DYNC2H1: variants seen among roughly 807,000 people sequenced by gnomAD.
DYNC2H1 encodes the protein cytoplasmic dynein 2 heavy chain 1.
A neutral mutation model predicts 570.0 loss-of-function variants in DYNC2H1; 410 were observed. The observed-to-expected ratio is 0.72, with a 90% confidence interval of 0.66 to 0.78. The LOEUF (loss-of-function observed/expected upper bound fraction) is 0.78, where lower values mean the gene tolerates loss of function less well. Among genes scored for constraint, DYNC2H1 ranks in the 30% least tolerant of loss-of-function variants. The probability of loss-of-function intolerance (pLI) is 0.00; values close to 1 mark genes in which losing one functional copy is unlikely to be tolerated. For synonymous variants in DYNC2H1, 1,688 were observed against 1,677.6 expected (o/e 1.01, Z -0.15); for missense variants, 4,865 against 5,046.4 (o/e 0.96, Z 1.09).
At chr11:103,413,960 A>C (rs1323336306) in intron 84 of DYNC2H1, among the ~76,000 whole-genome samples, 1 of 152,144 alleles carries the variant, frequency 6.6e-6, no homozygotes, top group Non-Finnish European at 1.5e-5. Context: ...TTTAGCAAAT[A>C]AAAACAGAAG....
At position 103,191,584 on chromosome 11, in the gene DYNC2H1, G is replaced by A; in HGVS notation, c.7505G>A (p.Trp2502Ter). The A allele has an allele frequency of 6.2e-7, 1 of 1,609,856 alleles. No individual in the cohort carries two copies. The highest frequency in any genetic ancestry group is 8.5e-7 in the Non-Finnish European group (1 of 1,178,012). Residue 2502 changes from tryptophan (W) to a stop codon, truncating the protein, a stop_gained, in exon 46 of 89, where the codon TGG becomes TAG. Coordinates refer to ENST00000375735, the MANE Select transcript of DYNC2H1 (RefSeq NM_001377.3). LOFTEE classifies it high-confidence loss of function. Reference sequence around the variant, plus strand: ...TTTACTCCTTGCATTCTTACCCAATGGGTTCTTGGCTTATTTAGATATGAT... The same window carrying A: ...TTTACTCCTTGCATTCTTACCCAATAGGTTCTTGGCTTATTTAGATATGAT... ...YFFTPCILTQ[W>*]VLGLFRYDLE...
chr11:103,140,179 C>T (rs1218796440), intron 17 of DYNC2H1, among the ~76,000 whole-genome samples: 1 of 152,120 alleles, frequency 6.6e-6, no homozygotes, highest in East Asian at 1.9e-4. Flanking sequence ...ATTTGCCAGT[C>T]TGTGTCTTTT....
intron 83 of DYNC2H1, among the ~76,000 whole-genome samples, chr11:103,383,840 C>T (rs1237378533): frequency 6.6e-6 from 1 of 152,080 alleles, no homozygotes; most frequent in African/African-American, 2.4e-5. Flanking sequence ...TAACTATAAC[C>T]CACAGCTTGA....
At chr11:103,342,554 G>T (rs1478599594) in intron 82 of DYNC2H1, among the ~76,000 whole-genome samples, 4 of 151,490 alleles carry the variant, frequency 2.6e-5, no homozygotes, top group African/African-American at 4.9e-5. Flanking sequence ...CCAGGCTGGA[G>T]TGCAGTGGCG....
In DYNC2H1 at chr11:103,305,584, T is replaced by A. The variant is rs1161108590; in HGVS notation, c.11382+864T>A. Among the ~76,000 whole-genome samples, 3 of 152,112 alleles carry A rather than the reference T, an allele frequency of 2.0e-5. No individual in the cohort carries two copies. The highest frequency in any genetic ancestry group is 7.2e-5 in the African/African-American group (3 of 41,428). ...TTAGTAATTAATTAATTAATTAATT[T>A]TTTCTGGCAGTGGTATATAGAATAG... On this transcript the variant is annotated intron_variant, in intron 77 of 88. Transcript: ENST00000375735. The surrounding 1 kb of genome is among the most constrained non-coding windows in gnomAD (Gnocchi z 4.3).
intron 87 of DYNC2H1, among the ~76,000 whole-genome samples, chr11:103,467,694 C>G (rs575122944): frequency 2.6e-5 from 4 of 152,198 alleles, no homozygotes; most frequent in African/African-American, 9.6e-5. Context: ...CCCGCCACCA[C>G]GCCCAGCTAA....
rs780391806 is a variant in DYNC2H1, at chr11:103,133,626, C to G, written c.2025C>G (p.Ile675Met). 1.2e-6 allele frequency: 2 copies of G among 1,612,638 alleles called. No homozygotes were observed. Among genetic ancestry groups the G allele is most frequent in the African/African-American group, 1.3e-5 (1 of 74,784 alleles). ...ATCCTAAAGAATTAGAAGGCTATATCCAAAAACTCCAAAATGCTGCTGAAC... is the reference window on the plus strand; with the variant it reads ...ATCCTAAAGAATTAGAAGGCTATATGCAAAAACTCCAAAATGCTGCTGAAC... ...WDNPKELEGY[I>M]QKLQNAAERL... The change falls in exon 14 of 89, where the codon ATC (isoleucine) becomes ATG (methionine). Residue 675 changes from isoleucine (I) to methionine (M), a missense_variant. Coordinates refer to ENST00000375735, the MANE Select transcript of DYNC2H1 (RefSeq NM_001377.3). The surrounding 1 kb of genome is among the most constrained non-coding windows in gnomAD (Gnocchi z 4.8).
intron 83 of DYNC2H1, among the ~76,000 whole-genome samples, chr11:103,387,500 GT>G (rs1427063838): frequency 6.6e-6 from 1 of 152,154 alleles, no homozygotes; most frequent in African/African-American, 2.4e-5. Context: ...AAGCTCTTTA[GT>G]TTAATTAGAT....
intron 60 of DYNC2H1, 95 bp downstream of exon 60, chr11:103,231,441 C>A (rs1265089813): frequency 2.7e-6 from 2 of 732,724 alleles, no homozygotes; most frequent in African/African-American, 1.8e-5. Context: ...AAGATTTAGA[C>A]TCTTATGTCA....
intron 78 of DYNC2H1, among the ~76,000 whole-genome samples, chr11:103,308,144 T>G (rs184835981): frequency 2.6e-5 from 4 of 152,340 alleles, no homozygotes; most frequent in Admixed American, 2.6e-4. Context: ...TTTTTTATCT[T>G]GCAAAATTGA....
intron 75 of DYNC2H1, among the ~76,000 whole-genome samples, chr11:103,302,466 A>G (rs1041827669): frequency 2.0e-5 from 3 of 152,084 alleles, no homozygotes; most frequent in Non-Finnish European, 4.4e-5. Flanking sequence ...CATTTTAATG[A>G]TTTGCATAGA....
intron 84 of DYNC2H1, among the ~76,000 whole-genome samples, chr11:103,410,521 A>G (rs1943041092): frequency 6.6e-6 from 1 of 152,110 alleles, no homozygotes; most frequent in Non-Finnish European, 1.5e-5. Context: ...CCCTAGAGGG[A>G]TATAAAGCAC....
intron 70 of DYNC2H1, among the ~76,000 whole-genome samples, chr11:103,274,188 T>C (rs914862841): frequency 6.6e-6 from 1 of 151,846 alleles, no homozygotes; most frequent in Non-Finnish European, 1.5e-5. Context: ...CACAGATATA[T>C]ATATCTGTCA....
intron 42 of DYNC2H1, 70 bp from the exon 43 acceptor site, chr11:103,187,270 C>T (rs560083261): frequency 4.9e-4 from 767 of 1,574,124 alleles, no homozygotes; most frequent in Non-Finnish European, 6.2e-4. Context: ...ATAGAAATTT[C>T]TTATTGAGTA....
rs118011610 is a variant in DYNC2H1 at position 103,151,574 on chromosome 11, C to T, written c.2947-562C>T. On this transcript the variant is annotated intron_variant, in intron 20 of 88. Coordinates refer to ENST00000375735, the MANE Select transcript of DYNC2H1 (RefSeq NM_001377.3). This position sits in a 1 kb window ranked among gnomAD's most constrained non-coding sequence, Gnocchi z 4.6. ...TTCCAGCAGTTTAGCACCCATTGAC[C>T]TACACCCAAACTGTTTAACAAACTG... is the stretch of plus-strand genomic sequence containing the variant. 1.3e-5 allele frequency among the ~76,000 whole-genome samples: 2 copies of T among 152,142 alleles called. No homozygotes were observed. Among genetic ancestry groups the T allele is most frequent in the African/African-American group, 2.4e-5 (1 of 41,432 alleles).
At chr11:103,474,469 A>T (rs1451149386) in intron 88 of DYNC2H1, among the ~76,000 whole-genome samples, 2 of 152,194 alleles carry the variant, frequency 1.3e-5, no homozygotes, top group Admixed American at 6.5e-5. Flanking sequence ...GAAATTGGCC[A>T]AATAGCTAAT....
chr11:103,149,862 G>T (rs924768308), intron 20 of DYNC2H1, among the ~76,000 whole-genome samples: 4 of 151,936 alleles, frequency 2.6e-5, no homozygotes, highest in African/African-American at 9.7e-5. Flanking sequence ...CTCAACTAGG[G>T]GTTATTACTT....
At chr11:103,332,644 G>A (rs1938878942) in intron 82 of DYNC2H1, among the ~76,000 whole-genome samples, 1 of 152,134 alleles carries the variant, frequency 6.6e-6, no homozygotes, top group South Asian at 2.1e-4. Context: ...TAACTTTAAA[G>A]TGCCACATGA....
At chr11:103,126,641 T>A (rs1391434774) in intron 12 of DYNC2H1, among the ~76,000 whole-genome samples, 55 of 151,242 alleles carry the variant, frequency 3.6e-4, no homozygotes, top group African/African-American at 1.3e-3. Flanking sequence ...CTCATATTTT[T>A]TTTTTTTTTT....
Sources: allele counts gnomAD v4.1 joint callset (sites outside exome capture counted in the v4.1 genomes callset), GRCh38; gene constraint gnomAD v4.1.1; non-coding constraint Gnocchi (gnomAD v3.1); transcripts MANE v1.5; gene names NCBI Gene and HGNC (gene_info 2026-07-23, HGNC 2026-07-21).